FBXL17: variants seen among roughly 807,000 people sequenced by gnomAD.
FBXL17 encodes the protein F-box/LRR-repeat protein 17.
A neutral mutation model predicts 66.2 loss-of-function variants in FBXL17; 22 were observed. That is an observed-to-expected ratio of 0.33 (90% confidence interval 0.24 to 0.47). The LOEUF is 0.47. Ranked by LOEUF, FBXL17 falls within the 20% of genes least tolerant of loss-of-function variation. The probability of loss-of-function intolerance (pLI) is 1.00; values close to 1 mark genes in which losing one functional copy is unlikely to be tolerated. For missense variants in FBXL17, 878 were observed against 948.2 expected (o/e 0.93, Z 0.97); for synonymous variants, 474 against 400.5 (o/e 1.18, Z -2.19).
At chr5:108,026,940 G>A (rs1478635521) in intron 6 of FBXL17, among the ~76,000 whole-genome samples, 1 of 152,132 alleles carries the variant, frequency 6.6e-6, no homozygotes, top group East Asian at 1.9e-4. Context: ...CCAACAGAGG[G>A]TGTCCTTTAA....
chr5:108,347,024 A>G (rs979653675), intron 4 of FBXL17, among the ~76,000 whole-genome samples: 4 of 152,214 alleles, frequency 2.6e-5, no homozygotes, highest in African/African-American at 9.6e-5. Context: ...TATACTACAC[A>G]TTCAGGACTA....
intron 8 of FBXL17, among the ~76,000 whole-genome samples, chr5:107,871,078 A>AAAAAAAAAAAAAAAAAAAG (rs1554080849): frequency 6.8e-6 from 1 of 146,898 alleles, no homozygotes; most frequent in East Asian, 2.1e-4. Context: ...AAAAAAAAAA[A>AAAAAAAAAAAAAAAAAAAG]ACCTCATCTA....
chr5:107,939,720 C>T (rs1485247866), intron 7 of FBXL17, among the ~76,000 whole-genome samples: 1 of 152,096 alleles, frequency 6.6e-6, no homozygotes, highest in African/African-American at 2.4e-5. Flanking sequence ...AATTATTTCA[C>T]TCTCTTGCTA....
At chr5:108,182,627 T>C (rs1031342326) in intron 6 of FBXL17, among the ~76,000 whole-genome samples, 1 of 152,208 alleles carries the variant, frequency 6.6e-6, no homozygotes. Context: ...TACACTTTCA[T>C]TTCTTGCAAA....
chr5:108,163,450 G>A (rs1345402729), intron 6 of FBXL17, among the ~76,000 whole-genome samples: 2 of 144,970 alleles, frequency 1.4e-5, no homozygotes, highest in African/African-American at 5.2e-5. Context: ...GCCCAGGCTG[G>A]AGTGCAGTGG....
At chr5:108,249,714 A>G (rs1580689878) in intron 4 of FBXL17, among the ~76,000 whole-genome samples, 1 of 152,152 alleles carries the variant, frequency 6.6e-6, no homozygotes, top group African/African-American at 2.4e-5. Context: ...AAGATGCTCT[A>G]AGAAGCAGTA....
At chr5:108,267,880 C>T (rs917015077) in intron 4 of FBXL17, among the ~76,000 whole-genome samples, 1 of 152,004 alleles carries the variant, frequency 6.6e-6, no homozygotes, top group African/African-American at 2.4e-5. Flanking sequence ...TTATGAAAAA[C>T]CAATGTTCAC....
chr5:108,291,507 C>G lies in FBXL17; in HGVS notation c.1506+56892G>C, dbSNP rs1408826598. On this transcript the variant is annotated intron_variant, in intron 4 of 8. Transcript: ENST00000542267. ...AGGCTCTACACAGGCATTTATTTTT[C>G]CAAAAGTTCTTTAACCTAAGTTCTA... 2.6e-5 allele frequency among the ~76,000 whole-genome samples: 4 copies of G among 152,280 alleles called. No homozygotes were observed. In the East Asian group the frequency reaches 5.8e-4, roughly 22 times the overall value.
intron 6 of FBXL17, among the ~76,000 whole-genome samples, chr5:108,181,676 T>G (rs1753007782): frequency 6.6e-6 from 1 of 152,202 alleles, no homozygotes; most frequent in African/African-American, 2.4e-5. Context: ...GAGAAATCCT[T>G]TATTAAAACT....
At chr5:108,357,722 G>GT (rs35941487) in intron 3 of FBXL17, among the ~76,000 whole-genome samples, 43,352 of 145,122 alleles carry the variant, frequency 0.3, 6,832 homozygotes, top group Middle Eastern at 0.41. Flanking sequence ...TAAATAACAC[G>GT]TTTTTTTTTT....
At position 108,327,833 on chromosome 5, in the gene FBXL17, T is replaced by C. The variant is rs1460876091; in HGVS notation, c.1506+20566A>G. Among the ~76,000 whole-genome samples, 7 of 152,234 alleles carry C rather than the reference T, an allele frequency of 4.6e-5. 1 individual carries two copies. Among genetic ancestry groups the C allele is most frequent in the South Asian group, 2.1e-4 (1 of 4,822 alleles). On this transcript the variant is annotated intron_variant, in intron 4 of 8. Coordinates refer to ENST00000542267, the MANE Select transcript of FBXL17 (RefSeq NM_001163315.3). Reference sequence around the variant, plus strand: ...GAAGAAGAGAGAAGAAAAACGGCAGTTGGGAAGTTAACAAGAGGGAGGCTA... The same window carrying C: ...GAAGAAGAGAGAAGAAAAACGGCAGCTGGGAAGTTAACAAGAGGGAGGCTA...
chr5:108,236,875 C>T (rs1460237466), intron 4 of FBXL17, among the ~76,000 whole-genome samples: 2 of 152,136 alleles, frequency 1.3e-5, no homozygotes, highest in Non-Finnish European at 2.9e-5. Flanking sequence ...CTAGGCTCTG[C>T]CCTGACTAAG....
At chr5:108,078,388 A>C (rs1748634989) in intron 6 of FBXL17, among the ~76,000 whole-genome samples, 2 of 152,206 alleles carry the variant, frequency 1.3e-5, no homozygotes, top group African/African-American at 4.8e-5. Context: ...TAAAGTTTCA[A>C]AGTGGGAACT....
At chr5:108,179,291 G>T (rs1171149822) in intron 6 of FBXL17, among the ~76,000 whole-genome samples, 1 of 152,110 alleles carries the variant, frequency 6.6e-6, no homozygotes, top group Non-Finnish European at 1.5e-5. Flanking sequence ...GAGAAGATCA[G>T]GGGAGTTAGA....
intron 7 of FBXL17, among the ~76,000 whole-genome samples, chr5:107,963,816 TAAAC>T (rs1416192092): frequency 6.6e-6 from 1 of 152,056 alleles, no homozygotes; most frequent in Non-Finnish European, 1.5e-5. Context: ...GAGAAACAAA[TAAAC>T]AATTTTATTA....
rs188180595 is a variant in FBXL17 at position 108,282,216 on chromosome 5, T to C, written c.1507-57988A>G. Among the ~76,000 whole-genome samples the C allele has an allele frequency of 9.4e-3, 1,430 of 151,654 alleles. 11 individuals carry two copies. The highest frequency in any genetic ancestry group is 0.014 in the Non-Finnish European group (936 of 67,602). On this transcript the variant is annotated intron_variant, in intron 4 of 8. Coordinates refer to ENST00000542267, the MANE Select transcript of FBXL17 (RefSeq NM_001163315.3). Reference sequence around the variant, plus strand: ...GATACCAAAAATGAAAGACACAACATAACAAGAAAACTACTGACTAATATC... The same window carrying C: ...GATACCAAAAATGAAAGACACAACACAACAAGAAAACTACTGACTAATATC...
chr5:108,287,689 T>C (rs1242003324), intron 4 of FBXL17, among the ~76,000 whole-genome samples: 3 of 151,992 alleles, frequency 2.0e-5, no homozygotes, highest in Admixed American at 1.3e-4. Flanking sequence ...AGTTCAGCCA[T>C]TGGGAAAAGC....
intron 7 of FBXL17, among the ~76,000 whole-genome samples, chr5:107,887,635 C>T (rs560390262): frequency 6.6e-6 from 1 of 152,238 alleles, no homozygotes; most frequent in African/African-American, 2.4e-5. Context: ...CACAGAAGCT[C>T]CAAAAACAAA....
At chr5:108,151,146 G>A (rs563455473) in intron 6 of FBXL17, among the ~76,000 whole-genome samples, 8 of 152,058 alleles carry the variant, frequency 5.3e-5, no homozygotes, top group African/African-American at 1.9e-4. Flanking sequence ...TAAATCTTTA[G>A]AACTTTATCT....
Sources: allele counts gnomAD v4.1 joint callset (sites outside exome capture counted in the v4.1 genomes callset), GRCh38; gene constraint gnomAD v4.1.1; transcripts MANE v1.5; gene names NCBI Gene and HGNC (gene_info 2026-07-23, HGNC 2026-07-21).